Variants in SLC12A5 observed in about 807,000 individuals in gnomAD.
SLC12A5 encodes solute carrier family 12 member 5, also known as K-Cl cotransporter 2.
In SLC12A5, 18 loss-of-function variants were observed where a neutral mutation model predicts 124.0. That is an observed-to-expected ratio of 0.15 (90% CI 0.10 to 0.22). The LOEUF is 0.22. Ranked by LOEUF, SLC12A5 falls within the 10% of genes least tolerant of loss-of-function variation. SLC12A5 has a pLI of 1.00. For missense variants in SLC12A5, 867 were observed against 1,478.7 expected (o/e 0.59, Z 6.78); for synonymous variants, 589 against 568.0 (o/e 1.04, Z -0.53).
chr20:46,049,241 C>T (rs936538844), intron 16 of SLC12A5, among the ~76,000 whole-genome samples: 1 of 152,118 alleles, frequency 6.6e-6, no homozygotes, highest in Non-Finnish European at 1.5e-5. Flanking sequence ...GAAAGGGATG[C>T]ATAAATAGAT....
chr20:46,046,129 C>G (rs1331091875), intron 13 of SLC12A5, 133 bp downstream of exon 13: 1 of 911,002 alleles, frequency 1.1e-6, no homozygotes, highest in Admixed American at 1.9e-5. Context: ...CATAGAAGCC[C>G]ATCGTTTGTT....
At position 46,041,459 on chromosome 20, in the gene SLC12A5, G is replaced by T. The variant is rs767192319; in HGVS notation, c.985G>T (p.Ala329Ser). 1 of 1,614,014 alleles carries T rather than the reference G, an allele frequency of 6.2e-7. No homozygotes were observed. The highest frequency in any genetic ancestry group is 8.5e-7 in the Non-Finnish European group (1 of 1,179,986). ...GLFCSSRFLNATCDEYFTRNN... is the reference protein window; with the variant it reads ...GLFCSSRFLNSTCDEYFTRNN... ...TTTCTGCTCCTCTCGCTTCCTCAAC[G>T]CCACCTGTGATGAATACTTCACCCG... The change falls in exon 8 of 26, where the codon GCC becomes TCC. Residue 329 changes from alanine (A) to serine (S), a missense_variant. Physicochemically the swap from Ala to Ser is moderately conservative, Grantham distance 99. Transcript: ENST00000243964.
intron 7 of SLC12A5, 150 bp from the exon 8 acceptor site, chr20:46,041,179 C>G (rs1441114062): frequency 3.3e-6 from 2 of 606,676 alleles, no homozygotes; most frequent in Non-Finnish European, 5.5e-6. Flanking sequence ...AAAAAAAAAG[C>G]CAATGGCCAG....
Position 46,058,346 on chromosome 20 carries a change from C to T in SLC12A5, c.*741C>T, listed in dbSNP as rs775623932. The T allele has an allele frequency of 1.8e-5, 7 of 397,896 alleles. No individual in the cohort carries two copies. The East Asian group carries it at 2.5e-4, about 14-fold the overall frequency. The allele number at this position is 397,896 out of a possible 1,614,324, so 24.6% of individuals were successfully genotyped here. On this transcript the variant is annotated 3_prime_UTR_variant, in exon 26 of 26. Transcript: ENST00000243964. The surrounding 1 kb of genome is among the most constrained non-coding windows in gnomAD (Gnocchi z 5.8). ...TCCCTCGACACCTCCGTCCTGCTCTCGCCTCTTCGCCCTTTCCGCGCGCCC... is the reference window on the plus strand; with the variant it reads ...TCCCTCGACACCTCCGTCCTGCTCTTGCCTCTTCGCCCTTTCCGCGCGCCC...
At chr20:46,054,709 C>T (rs1425325094) in intron 20 of SLC12A5, among the ~76,000 whole-genome samples, 1 of 152,230 alleles carries the variant, frequency 6.6e-6, no homozygotes, top group East Asian at 1.9e-4. Flanking sequence ...GAATGAGCTG[C>T]CTGCCTTGCA....
chr20:46,055,780 T>A (rs1417535964), intron 21 of SLC12A5: 1 of 243,944 alleles, frequency 4.1e-6, no homozygotes, highest in Non-Finnish European at 8.1e-6. Context: ...GGGTACCACT[T>A]TGAGATGGGA....
intron 8 of SLC12A5, among the ~76,000 whole-genome samples, chr20:46,042,138 G>A (rs979344531): frequency 2.6e-5 from 4 of 152,258 alleles, no homozygotes; most frequent in Admixed American, 6.5e-5. Flanking sequence ...GGCATAAAGA[G>A]CAAAATAAGG....
At position 46,056,331 on chromosome 20, in the gene SLC12A5, G is replaced by A; in HGVS notation, c.2911-34G>A. 6.2e-7 allele frequency: 1 copy of A among 1,609,866 alleles called. No homozygotes were observed. Among genetic ancestry groups the A allele is most frequent in the Non-Finnish European group, 8.5e-7 (1 of 1,177,252 alleles). ...GGGAGCAGAGCCCTTGGCCTCCAAA[G>A]GACTCAACTGCCATCGCTTCATTCA... On this transcript the variant is annotated intron_variant, in intron 22 of 25. Coordinates refer to ENST00000243964, the MANE Select transcript of SLC12A5 (RefSeq NM_020708.5). This position sits in a 1 kb window ranked among gnomAD's most constrained non-coding sequence, Gnocchi z 4.3.
intron 18 of SLC12A5, among the ~76,000 whole-genome samples, 156 bp downstream of exon 18, chr20:46,052,026 C>T (rs543781088): frequency 4.6e-5 from 7 of 152,302 alleles, no homozygotes; most frequent in African/African-American, 1.7e-4. Context: ...TCAAGGCTGG[C>T]CACGTGCCAG....
At position 46,058,528 on chromosome 20, in the gene SLC12A5, G is replaced by C. The variant is rs1240143607; in HGVS notation, c.*923G>C. 2 of 399,196 alleles carry C rather than the reference G, an allele frequency of 5.0e-6. No individual in the cohort carries two copies. The highest frequency in any genetic ancestry group is 4.1e-5 in the African/African-American group (2 of 48,770). The allele number at this position is 399,196 out of a possible 1,614,324, so 24.7% of individuals were successfully genotyped here. ...TCGGCTCTTATGCAAGTTGGGGCCA[G>C]GATAGGGGAGGGGTGCTCCTCAAGA... On this transcript the variant is annotated 3_prime_UTR_variant, in exon 26 of 26. Transcript: ENST00000243964. This position sits in a 1 kb window ranked among gnomAD's most constrained non-coding sequence, Gnocchi z 5.8.
intron 6 of SLC12A5, chr20:46,038,327 G>T (rs796379875): frequency 2.6e-5 from 4 of 152,234 alleles, no homozygotes; most frequent in African/African-American, 9.6e-5. Context: ...CTCCCAAGTA[G>T]CTGGTAAGCA....
rs773469879 is a variant in SLC12A5, at chr20:46,053,707, A to G, written c.2677A>G (p.Met893Val). The G allele has an allele frequency of 1.9e-6, 3 of 1,588,046 alleles. No individual in the cohort carries two copies. The highest frequency in any genetic ancestry group is 2.6e-6 in the Non-Finnish European group (3 of 1,163,780). Residue 893 changes from methionine to valine, a missense_variant and splice_region_variant, in exon 20 of 26, where the codon ATG becomes GTG. Physicochemically the swap from Met to Val is conservative, Grantham distance 21. Around this residue, in one of 9 missense-constraint regions of SLC12A5, gnomAD observed 70 missense variants for 157.2 expected, o/e 0.45. Transcript: ENST00000243964. This position sits in a 1 kb window ranked among gnomAD's most constrained non-coding sequence, Gnocchi z 4.7. The part of the protein sequence containing the change: ...RITAEVEVVE[M>V]HESDISAYTY... The stretch of plus-strand genomic sequence containing the variant: ...CACTGCGGAGGTCGAGGTGGTGGAG[A>G]TGGTGAGTCCCCAGGAGACACCGCT...
In SLC12A5 at chr20:46,056,529, C is replaced by G. The variant is rs201799748; in HGVS notation, c.3075C>G (p.Ser1025=). ...AGAATAAGGGCCCCAGTCCTGTCTC[C>G]TCTGAGGGCATCAAGGACTTCTTCA... ...AEKNKGPSPV[S]SEGIKDFFSM... is the part of the protein sequence containing the mutation. The change falls in exon 23 of 26, where the codon TCC becomes TCG. Residue 1025 remains serine, a synonymous_variant. Transcript: ENST00000243964. This position sits in a 1 kb window ranked among gnomAD's most constrained non-coding sequence, Gnocchi z 4.3. 11 of 1,614,162 alleles carry G rather than the reference C, an allele frequency of 6.8e-6. No individual in the cohort carries two copies. The East Asian group carries it at 2.5e-4, about 36-fold the overall frequency.
At chr20:46,033,284 C>G (rs59374409) in intron 1 of SLC12A5, among the ~76,000 whole-genome samples, 1 of 152,114 alleles carries the variant, frequency 6.6e-6, no homozygotes, top group African/African-American at 2.4e-5. Flanking sequence ...ATCTAGGTGC[C>G]TAGGGCCTCA....
intron 2 of SLC12A5, 33 bp from the exon 3 acceptor site, chr20:46,035,371 C>G (rs1218325335): frequency 6.3e-7 from 1 of 1,591,944 alleles, no homozygotes; most frequent in African/African-American, 1.4e-5. Flanking sequence ...CTTGCTCCCC[C>G]AGCCTCCTAG....
In SLC12A5 at chr20:46,045,349, T is replaced by TGTCAGGAGTTGGGCA. The variant is rs2084585641; in HGVS notation, c.1569+210_1569+211insTCAGGAGTTGGGCAG. Among the ~76,000 whole-genome samples, 1 of 152,046 alleles carries TGTCAGGAGTTGGGCA rather than the reference T, an allele frequency of 6.6e-6. No individual in the cohort carries two copies. Among genetic ancestry groups the TGTCAGGAGTTGGGCA allele is most frequent in the Non-Finnish European group, 1.5e-5 (1 of 67,990 alleles). ...GTCAGGAGTTGGGCAGGGCATTGGG[T>TGTCAGGAGTTGGGCA]GGTGCCCTGTCTGTGGCTTCTCCTT... On this transcript the variant is annotated intron_variant, in intron 12 of 25. Coordinates refer to ENST00000243964, the MANE Select transcript of SLC12A5 (RefSeq NM_020708.5). The surrounding 1 kb of genome is among the most constrained non-coding windows in gnomAD (Gnocchi z 4.9).
chr20:46,022,437 G>T (rs1336865352), intron 1 of SLC12A5, among the ~76,000 whole-genome samples: 3 of 137,714 alleles, frequency 2.2e-5, no homozygotes, highest in South Asian at 5.5e-4. Context: ...TCGAGGGCGG[G>T]AGGAAAACTG....
At chr20:46,044,904 G>A in intron 11 of SLC12A5, 62 bp from the exon 12 acceptor site, 1 of 1,601,544 alleles carries the variant, frequency 6.2e-7, no homozygotes, top group South Asian at 1.1e-5. Context: ...TTGGTATGGA[G>A]ACCTGCCCTG....
Position 46,057,046 on chromosome 20 carries a change from A to G in SLC12A5, c.3126-124A>G. 1 of 1,588,260 alleles carries G rather than the reference A, an allele frequency of 6.3e-7. No individual in the cohort carries two copies. The highest frequency in any genetic ancestry group is 1.1e-5 in the South Asian group (1 of 90,198). On this transcript the variant is annotated intron_variant, in intron 24 of 25. Transcript: ENST00000243964. This position sits in a 1 kb window ranked among gnomAD's most constrained non-coding sequence, Gnocchi z 7.1. The stretch of plus-strand genomic sequence containing the variant: ...ATAGCCTAGCCTGGAGATGTTTAGG[A>G]TTGGTGGTCCTAGGCTTGCAAGAAC...
Sources: allele counts gnomAD v4.1 joint callset (sites outside exome capture counted in the v4.1 genomes callset), GRCh38; gene constraint gnomAD v4.1.1; regional missense constraint gnomAD v4.1.1; non-coding constraint Gnocchi (gnomAD v3.1); transcripts MANE v1.5; gene names NCBI Gene and HGNC (gene_info 2026-07-23, HGNC 2026-07-21).